The following GRIK4 variants were observed in gnomAD, a reference collection of about 807,000 sequenced individuals.
The protein encoded by GRIK4 is glutamate receptor ionotropic, kainate 4.
In GRIK4, 40 loss-of-function variants were observed where a neutral mutation model predicts 104.9. The ratio of observed to expected loss-of-function variants is 0.38; its 90% CI spans 0.30 to 0.50. The LOEUF is 0.50. Ranked by LOEUF, GRIK4 falls within the 20% of genes least tolerant of loss-of-function variation. GRIK4 has a pLI of 0.93. For synonymous variants in GRIK4, 485 were observed against 524.9 expected (o/e 0.92, Z 1.04); for missense variants, 1,047 against 1,308.1 (o/e 0.80, Z 3.08).
intron 6 of GRIK4, among the ~76,000 whole-genome samples, chr11:120,828,065 T>C (rs1291338335): frequency 6.6e-6 from 1 of 152,130 alleles, no homozygotes; most frequent in African/African-American, 2.4e-5. Context: ...TCAAGTGACA[T>C]GGCGACGGTT....
rs140401864 is a variant in GRIK4, at chr11:120,940,097, CCT to C, written c.1477-249_1477-248del. 0.03 allele frequency among the ~76,000 whole-genome samples: 4,564 copies of C among 152,258 alleles called. 250 individuals are homozygous for C. Among genetic ancestry groups the C allele is most frequent in the African/African-American group, 0.1 (4,308 of 41,528 alleles). On this transcript the variant is annotated intron_variant, in intron 13 of 20. Coordinates refer to ENST00000527524, the MANE Select transcript of GRIK4 (RefSeq NM_014619.5). The surrounding 1 kb of genome is among the most constrained non-coding windows in gnomAD (Gnocchi z 4.3). ...TCTGAACAGTCTGGTAGTGATACCCCCTGTTTTTAAAATTATTTATGTATTTA... is the reference window on the plus strand; with the variant it reads ...TCTGAACAGTCTGGTAGTGATACCCCGTTTTTAAAATTATTTATGTATTTA...
intron 1 of GRIK4, among the ~76,000 whole-genome samples, chr11:120,577,034 A>G (rs905121360): frequency 6.6e-6 from 1 of 152,176 alleles, no homozygotes; most frequent in African/African-American, 2.4e-5. Flanking sequence ...CGCTGGATAT[A>G]AAAGAGAAAT....
At chr11:120,980,265 T>C (rs1591355846) in intron 19 of GRIK4, among the ~76,000 whole-genome samples, 1 of 152,284 alleles carries the variant, frequency 6.6e-6, no homozygotes, top group Admixed American at 6.5e-5. Context: ...CATTGTCATT[T>C]CCCCAGTCAT....
At chr11:120,777,137 C>G (rs543714095) in intron 3 of GRIK4, among the ~76,000 whole-genome samples, 39 of 152,278 alleles carry the variant, frequency 2.6e-4, no homozygotes, top group African/African-American at 9.1e-4. Flanking sequence ...AACACCGACG[C>G]GGGTTTCTTC....
At position 120,905,510 on chromosome 11, in the gene GRIK4, T is replaced by A; in HGVS notation, c.1476+17T>A. 1 of 1,442,756 alleles carries A rather than the reference T, an allele frequency of 6.9e-7. No homozygotes were observed. Among genetic ancestry groups the A allele is most frequent in the Non-Finnish European group, 9.6e-7 (1 of 1,036,882 alleles). 89.4% of individuals were successfully genotyped at this position (1,442,756 alleles called of 1,614,324 possible). A position where few individuals can be genotyped will look rare whatever the true frequency, so the allele number is the denominator to read the frequency against. ...ATCGCTAGGGTAAGGAGAGGACAAG[T>A]GATCTGGGCCTGAGGGTGGGCTGGG... On this transcript the variant is annotated intron_variant, in intron 13 of 20. Transcript: ENST00000527524. The surrounding 1 kb of genome is among the most constrained non-coding windows in gnomAD (Gnocchi z 5.1).
chr11:120,965,713 G>A (rs1376147675), intron 18 of GRIK4, among the ~76,000 whole-genome samples: 2 of 152,218 alleles, frequency 1.3e-5, no homozygotes, highest in South Asian at 4.1e-4. Flanking sequence ...GCCTCTTAAA[G>A]TGTGGTCCAC....
intron 1 of GRIK4, among the ~76,000 whole-genome samples, chr11:120,554,629 G>C (rs1257714193): frequency 6.6e-6 from 1 of 151,506 alleles, no homozygotes; most frequent in Admixed American, 6.6e-5. Context: ...CGCGATCTCT[G>C]CTCATTGCAA....
chr11:120,688,516 G>C (rs903601714), intron 3 of GRIK4, among the ~76,000 whole-genome samples: 2 of 152,172 alleles, frequency 1.3e-5, no homozygotes, highest in African/African-American at 4.8e-5. Context: ...GTGGGCCCAG[G>C]AAGAAGGCAT....
At chr11:120,830,312 A>C (rs1003308859) in intron 6 of GRIK4, among the ~76,000 whole-genome samples, 1 of 152,010 alleles carries the variant, frequency 6.6e-6, no homozygotes, top group Non-Finnish European at 1.5e-5. Context: ...TTGTCCTCCG[A>C]GGCAGCCTGG....
rs139734821 is a variant in GRIK4 at position 120,710,997 on chromosome 11, T to TGGGGGGGGGG, written c.82+50601_82+50602insGGGGGGGGGG. Among the ~76,000 whole-genome samples, 28 of 124,802 alleles carry TGGGGGGGGGG rather than the reference T, an allele frequency of 2.2e-4. 1 individual carries two copies. Among genetic ancestry groups the TGGGGGGGGGG allele is most frequent in the African/African-American group, 6.6e-4 (18 of 27,308 alleles). 81.9% of individuals were successfully genotyped at this position (124,802 alleles called of 152,430 possible). Reference sequence around the variant, plus strand: ...GCCAGCCTCGCTTGCCCCTGTGAGGTGGGGAGGGGGTGTGAGCAGCTGCAG... The same window carrying TGGGGGGGGGG: ...GCCAGCCTCGCTTGCCCCTGTGAGGTGGGGGGGGGGGGGGAGGGGGTGTGAGCAGCTGCAG... On this transcript the variant is annotated intron_variant, in intron 3 of 20. Coordinates refer to ENST00000527524, the MANE Select transcript of GRIK4 (RefSeq NM_014619.5).
chr11:120,511,882 G>A lies in GRIK4; in HGVS notation c.-164G>A, dbSNP rs1291368855. 2.5e-5 allele frequency: 7 copies of A among 282,014 alleles called. No homozygotes were observed. Among genetic ancestry groups the A allele is most frequent in the African/African-American group, 9.9e-5 (4 of 40,486 alleles). The allele number at this position is 282,014 out of a possible 1,614,324, so 17.5% of individuals were successfully genotyped here. A position where few individuals can be genotyped will look rare whatever the true frequency, so the allele number is the denominator to read the frequency against. ...GGCTCAGCCCCCGGAGTGCGGAGCC[G>A]ACCAGGTAAGGGCAGCGGCCCCCCG... is the stretch of plus-strand genomic sequence containing the variant. On this transcript the variant is annotated 5_prime_UTR_variant, in exon 1 of 21. Transcript: ENST00000527524.
intron 3 of GRIK4, among the ~76,000 whole-genome samples, chr11:120,722,956 G>A (rs1950960686): frequency 6.6e-6 from 1 of 152,142 alleles, no homozygotes; most frequent in South Asian, 2.1e-4. Context: ...AACTAACAGG[G>A]CTTTATCCTG....
intron 11 of GRIK4, among the ~76,000 whole-genome samples, chr11:120,887,248 C>G (rs1359361886): frequency 1.3e-5 from 2 of 152,168 alleles, no homozygotes; most frequent in Non-Finnish European, 2.9e-5. Flanking sequence ...ACATCAGTGG[C>G]CACCTGCCTC....
intron 1 of GRIK4, among the ~76,000 whole-genome samples, chr11:120,557,372 C>A (rs1236505153): frequency 6.6e-6 from 1 of 152,202 alleles, no homozygotes; most frequent in Non-Finnish European, 1.5e-5. Context: ...GCTGTGCCTG[C>A]CCTGGCTGCT....
At chr11:120,616,594 C>A (rs1949117820) in intron 1 of GRIK4, among the ~76,000 whole-genome samples, 2 of 151,970 alleles carry the variant, frequency 1.3e-5, no homozygotes, top group Admixed American at 1.3e-4. Flanking sequence ...GCCATGGTGG[C>A]CAGGAAGGGA....
rs137989709 is a variant in GRIK4 at position 120,905,488 on chromosome 11, G to A, written c.1471G>A (p.Ala491Thr). Residue 491 changes from alanine to threonine, a missense_variant, in exon 13 of 21, where the codon GCT becomes ACT. Around this residue, in one of 3 missense-constraint regions of GRIK4, gnomAD observed 440 missense variants for 652.3 expected, o/e 0.67. Transcript: ENST00000527524. The surrounding 1 kb of genome is among the most constrained non-coding windows in gnomAD (Gnocchi z 5.1). ...TWTGMVGELI[A>T]RKADLAVAGL... ...GACGGGAATGGTCGGGGAGCTGATC[G>A]CTAGGGTAAGGAGAGGACAAGTGAT... is the stretch of plus-strand genomic sequence containing the variant. The A allele has an allele frequency of 3.0e-5, 47 of 1,544,094 alleles. No homozygotes were observed. Among genetic ancestry groups the A allele is most frequent in the African/African-American group, 2.3e-4 (17 of 72,942 alleles).
At chr11:120,816,172 A>G (rs994389680) in intron 5 of GRIK4, among the ~76,000 whole-genome samples, 15 of 151,284 alleles carry the variant, frequency 9.9e-5, no homozygotes, top group Non-Finnish European at 1.9e-4. Flanking sequence ...TATTCTGCCA[A>G]CTCTCCCCCT....
At chr11:120,822,232 AAAAG>A (rs1565373250) in intron 6 of GRIK4, among the ~76,000 whole-genome samples, 3 of 147,080 alleles carry the variant, frequency 2.0e-5, no homozygotes, top group African/African-American at 8.1e-5. Context: ...AAAAAAAAAA[AAAAG>A]ACAGTAAAAT....
At chr11:120,683,506 A>G (rs1036981121) in intron 3 of GRIK4, among the ~76,000 whole-genome samples, 3 of 152,176 alleles carry the variant, frequency 2.0e-5, no homozygotes, top group Non-Finnish European at 4.4e-5. Context: ...AAGATATTAG[A>G]AGAAGAGGTC....
Sources: allele counts gnomAD v4.1 joint callset (sites outside exome capture counted in the v4.1 genomes callset), GRCh38; gene constraint gnomAD v4.1.1; regional missense constraint gnomAD v4.1.1; non-coding constraint Gnocchi (gnomAD v3.1); transcripts MANE v1.5; gene names NCBI Gene and HGNC (gene_info 2026-07-23, HGNC 2026-07-21).